Variants in KSR2 observed in about 807,000 individuals in gnomAD.
KSR2 encodes kinase suppressor of ras 2.
Under a neutral mutation model 107.8 loss-of-function variants are expected in KSR2, and 25 were observed. That is an observed-to-expected ratio of 0.23 (90% CI 0.17 to 0.32). The LOEUF (loss-of-function observed/expected upper bound fraction) is 0.32, where lower values mean the gene tolerates loss of function less well. Ranked by LOEUF, KSR2 falls within the 10% of genes least tolerant of loss-of-function variation. The probability of loss-of-function intolerance (pLI) is 1.00; values close to 1 mark genes in which losing one functional copy is unlikely to be tolerated. For synonymous variants in KSR2, 480 were observed against 507.0 expected (o/e 0.95, Z 0.71); for missense variants, 887 against 1,268.9 (o/e 0.70, Z 4.57).
At chr12:117,905,518 T>C (rs186461645) in intron 1 of KSR2, among the ~76,000 whole-genome samples, 2 of 151,966 alleles carry the variant, frequency 1.3e-5, no homozygotes, top group African/African-American at 4.8e-5. Context: ...GCAAAGACAA[T>C]GAAAGGAGGC....
intron 1 of KSR2, among the ~76,000 whole-genome samples, chr12:117,928,721 T>A (rs1210498116): frequency 6.6e-6 from 1 of 152,202 alleles, no homozygotes; most frequent in Non-Finnish European, 1.5e-5. Context: ...AATTCTACAT[T>A]TAATTTTTTT....
At chr12:117,752,645 A>G (rs1379737951) in intron 4 of KSR2, among the ~76,000 whole-genome samples, 1 of 152,248 alleles carries the variant, frequency 6.6e-6, no homozygotes, top group African/African-American at 2.4e-5. Flanking sequence ...TTTTCAAAAT[A>G]AAGATATATC....
chr12:117,830,214 G>A (rs1335920509), intron 3 of KSR2, among the ~76,000 whole-genome samples: 1 of 152,000 alleles, frequency 6.6e-6, no homozygotes, highest in Admixed American at 6.6e-5. Context: ...GTTGCAGTGA[G>A]CGAAGATCAA....
chr12:117,626,278 T>C (rs1010556348), intron 5 of KSR2, among the ~76,000 whole-genome samples: 2 of 152,218 alleles, frequency 1.3e-5, no homozygotes, highest in African/African-American at 4.8e-5. Context: ...GCTTCTCTAG[T>C]TCTTTTAATT....
chr12:117,600,648 A>G (rs749024062), intron 5 of KSR2, among the ~76,000 whole-genome samples: 1 of 152,212 alleles, frequency 6.6e-6, no homozygotes, highest in Non-Finnish European at 1.5e-5. Flanking sequence ...ACAGCCTCCA[A>G]GGGAATGTCA....
Position 117,667,503 on chromosome 12 carries a change from G to T in KSR2, c.1142C>A (p.Pro381His), listed in dbSNP as rs1190818425. 6.2e-7 allele frequency: 1 copy of T among 1,612,114 alleles called. No homozygotes were observed. Residue 381 changes from proline to histidine, a missense_variant, in exon 5 of 20, where the codon CCT becomes CAT. This residue lies in a region of KSR2 where 399 missense variants were observed against 479.5 expected (regional missense o/e 0.83). Coordinates refer to ENST00000339824, the MANE Select transcript of KSR2 (RefSeq NM_173598.6). ...GHAPFLPSTP[P>H]VHTEANFSAN... ...AGAGAAGTTGGCCTCAGTGTGAACAGGAGGGGTGGAAGGCAGGAAAGGTGC... is the reference window on the plus strand; with the variant it reads ...AGAGAAGTTGGCCTCAGTGTGAACATGAGGGGTGGAAGGCAGGAAAGGTGC...
intron 14 of KSR2, among the ~76,000 whole-genome samples, chr12:117,518,312 G>A (rs980293580): frequency 6.6e-6 from 1 of 152,158 alleles, no homozygotes; most frequent in Admixed American, 6.5e-5. Flanking sequence ...GGGGCACACA[G>A]TCTGAGCCCC....
intron 1 of KSR2, among the ~76,000 whole-genome samples, chr12:117,884,526 T>G (rs560470931): frequency 1.3e-5 from 2 of 152,302 alleles, no homozygotes; most frequent in South Asian, 4.1e-4. Context: ...CATCTTGGAA[T>G]CCTGATGACC....
rs1400478562 is a variant in KSR2 at position 117,463,021 on chromosome 12, T to C, written c.*4178A>G. 1 of 152,256 alleles carries C rather than the reference T, an allele frequency of 6.6e-6. No individual in the cohort carries two copies. Among genetic ancestry groups the C allele is most frequent in the Non-Finnish European group, 1.5e-5 (1 of 68,066 alleles). 9.4% of individuals were successfully genotyped at this position (152,256 alleles called of 1,614,324 possible). ...ACCAACCCTGCTGACACCTTGATCT[T>C]GGGACTTCCAGCCTCAAGAATTGTG... On this transcript the variant is annotated 3_prime_UTR_variant, in exon 20 of 20. Transcript: ENST00000339824.
intron 1 of KSR2, among the ~76,000 whole-genome samples, chr12:117,917,780 C>T (rs144405438): frequency 5.4e-4 from 83 of 152,314 alleles, no homozygotes; most frequent in African/African-American, 1.8e-3. Context: ...ATGGCCGAGC[C>T]ATGCCCCATT....
At chr12:117,682,947 T>C (rs1331401548) in intron 4 of KSR2, among the ~76,000 whole-genome samples, 1 of 151,926 alleles carries the variant, frequency 6.6e-6, no homozygotes, top group African/African-American at 2.4e-5. Context: ...AGTTTCAGTG[T>C]GTTAGGGGTG....
intron 3 of KSR2, among the ~76,000 whole-genome samples, chr12:117,798,112 G>A (rs1890699574): frequency 1.3e-5 from 2 of 152,212 alleles, no homozygotes; most frequent in African/African-American, 4.8e-5. Flanking sequence ...TCTCACCTTT[G>A]AAGCATCAAA....
chr12:117,674,051 C>T (rs1885020261), intron 4 of KSR2, among the ~76,000 whole-genome samples: 1 of 152,180 alleles, frequency 6.6e-6, no homozygotes, highest in Admixed American at 6.5e-5. Context: ...GGGAAAGACA[C>T]TCAGCTCCAG....
intron 3 of KSR2, among the ~76,000 whole-genome samples, chr12:117,798,357 G>A (rs187988547): frequency 6.6e-6 from 1 of 152,342 alleles, no homozygotes; most frequent in Admixed American, 6.5e-5. Flanking sequence ...AGGAAGCTGG[G>A]TGTGGTGGCT....
At chr12:117,771,986 A>AT (rs1889473303) in intron 3 of KSR2, among the ~76,000 whole-genome samples, 1 of 141,066 alleles carries the variant, frequency 7.1e-6, no homozygotes, top group Non-Finnish European at 1.5e-5. Context: ...ACACATACAC[A>AT]CATTCCCCCA....
chr12:117,960,200 G>T (rs1896619748), intron 1 of KSR2, among the ~76,000 whole-genome samples: 1 of 152,150 alleles, frequency 6.6e-6, no homozygotes, highest in South Asian at 2.1e-4. Flanking sequence ...CCATGAAAGA[G>T]CCTTTGTTGA....
intron 3 of KSR2, among the ~76,000 whole-genome samples, chr12:117,817,251 C>T (rs1212890963): frequency 6.6e-6 from 1 of 152,172 alleles, no homozygotes; most frequent in Non-Finnish European, 1.5e-5. Context: ...AGAGCAGTCC[C>T]TTAAGACCTA....
chr12:117,865,909 A>G (rs1893450144), intron 1 of KSR2, among the ~76,000 whole-genome samples: 1 of 152,206 alleles, frequency 6.6e-6, no homozygotes, highest in Non-Finnish European at 1.5e-5. Flanking sequence ...ATCATATAGC[A>G]TAGCGAGCAC....
At chr12:117,914,167 A>G (rs7969627) in intron 1 of KSR2, among the ~76,000 whole-genome samples, 75,615 of 151,748 alleles carry the variant, frequency 0.5, 21,299 homozygotes, top group East Asian at 0.89. Flanking sequence ...AGTGGCTCAC[A>G]CCTGTAATCC....
Sources: allele counts gnomAD v4.1 joint callset (sites outside exome capture counted in the v4.1 genomes callset), GRCh38; gene constraint gnomAD v4.1.1; regional missense constraint gnomAD v4.1.1; transcripts MANE v1.5; gene names NCBI Gene and HGNC (gene_info 2026-07-23, HGNC 2026-07-21).